Variants in TTC28 observed in about 807,000 individuals in gnomAD.
TTC28 encodes tetratricopeptide repeat domain 28.
A neutral mutation model predicts 198.0 loss-of-function variants in TTC28; 61 were observed. The observed-to-expected ratio is 0.31, with a 90% CI of 0.25 to 0.38. The LOEUF (loss-of-function observed/expected upper bound fraction) is 0.38, where lower values mean the gene tolerates loss of function less well. TTC28 is among the 10% of genes least tolerant of loss of function. The pLI is 1.00. For missense variants in TTC28, 2,678 were observed against 3,164.0 expected (o/e 0.85, Z 3.69); for synonymous variants, 1,171 against 1,297.8 (o/e 0.90, Z 2.10).
chr22:28,399,538 T>A lies in TTC28; in HGVS notation c.382-92895A>T, dbSNP rs189741265. On this transcript the variant is annotated intron_variant, in intron 2 of 22. Transcript: ENST00000397906. ...CTGGGCTGTTCTCAAACTCCTGGGCTCAAGTAGTACTTCACCTTGGCCCCC... is the reference window on the plus strand; with the variant it reads ...CTGGGCTGTTCTCAAACTCCTGGGCACAAGTAGTACTTCACCTTGGCCCCC... 2.0e-4 allele frequency among the ~76,000 whole-genome samples: 30 copies of A among 152,058 alleles called. 1 individual carries two copies. The East Asian group carries it at 5.8e-3, about 30-fold the overall frequency.
intron 5 of TTC28, among the ~76,000 whole-genome samples, chr22:28,197,850 A>G (rs1925530931): frequency 6.6e-6 from 1 of 152,182 alleles, no homozygotes; most frequent in Admixed American, 6.5e-5. Context: ...CCCTGTCTTT[A>G]TTTTTTAAAA....
At chr22:28,133,079 C>T (rs1943097368) in intron 6 of TTC28, among the ~76,000 whole-genome samples, 1 of 152,134 alleles carries the variant, frequency 6.6e-6, no homozygotes, top group African/African-American at 2.4e-5. Context: ...CAAAATTAGC[C>T]AGGTGTGATG....
At chr22:28,097,181 C>G (rs944427083) in intron 10 of TTC28, among the ~76,000 whole-genome samples, 2 of 152,208 alleles carry the variant, frequency 1.3e-5, no homozygotes, top group Non-Finnish European at 2.9e-5. Flanking sequence ...TTTAAGCATG[C>G]CAGTCCCTCT....
chr22:27,983,905 ATT>A lies in TTC28; in HGVS notation c.5816-56_5816-55del. 3 of 1,490,472 alleles carry A rather than the reference ATT, an allele frequency of 2.0e-6. No homozygotes were observed. The South Asian group carries it at 4.1e-5, about 20-fold the overall frequency. The allele number at this position is 1,490,472 out of a possible 1,614,324, so 92.3% of individuals were successfully genotyped here. On this transcript the variant is annotated intron_variant, in intron 22 of 22. Transcript: ENST00000397906. ...ACAGTTAGAATTCTATATGGTTTTG[ATT>A]TTTCTTTCAAAATTTACGACATCTT...
intron 5 of TTC28, among the ~76,000 whole-genome samples, chr22:28,192,522 G>C (rs1246126839): frequency 6.6e-6 from 1 of 151,990 alleles, no homozygotes; most frequent in Non-Finnish European, 1.5e-5. Context: ...GATGTTCGAA[G>C]AAAAGAAGCT....
chr22:28,536,995 G>A (rs2049293646), intron 2 of TTC28, among the ~76,000 whole-genome samples: 1 of 151,544 alleles, frequency 6.6e-6, no homozygotes, highest in Non-Finnish European at 1.5e-5. Context: ...CGGTTATGAT[G>A]TAAGAATAGA....
chr22:28,067,523 C>T (rs1940807411), intron 12 of TTC28, among the ~76,000 whole-genome samples: 2 of 152,082 alleles, frequency 1.3e-5, no homozygotes, highest in Non-Finnish European at 2.9e-5. Context: ...ATAAGACGAA[C>T]ACTAGATGTT....
chr22:28,090,974 C>T (rs903443850), intron 12 of TTC28, among the ~76,000 whole-genome samples: 5 of 152,160 alleles, frequency 3.3e-5, no homozygotes, highest in Non-Finnish European at 7.3e-5. Flanking sequence ...AAGATCTAGG[C>T]TACTGAGGGC....
At chr22:28,089,839 T>A (rs1304864186) in intron 12 of TTC28, among the ~76,000 whole-genome samples, 3 of 151,104 alleles carry the variant, frequency 2.0e-5, no homozygotes, top group East Asian at 3.9e-4. Context: ...CTGGAAACTA[T>A]CATTCTCAGC....
intron 1 of TTC28, among the ~76,000 whole-genome samples, chr22:28,658,972 G>A (rs1368576871): frequency 1.3e-5 from 2 of 152,140 alleles, no homozygotes; most frequent in Admixed American, 6.5e-5. Context: ...ACTCTAGCCT[G>A]GGTGACAGAG....
At chr22:28,546,395 G>A (rs754769292) in intron 2 of TTC28, among the ~76,000 whole-genome samples, 4 of 152,150 alleles carry the variant, frequency 2.6e-5, no homozygotes, top group South Asian at 2.1e-4. Flanking sequence ...GCAGTGAGCC[G>A]AGAGGGCACC....
chr22:28,587,257 G>A (rs2050335280), intron 2 of TTC28, among the ~76,000 whole-genome samples: 1 of 152,178 alleles, frequency 6.6e-6, no homozygotes, highest in Non-Finnish European at 1.5e-5. Context: ...CACTCAGGAG[G>A]CTGAGGCATG....
intron 6 of TTC28, among the ~76,000 whole-genome samples, chr22:28,148,258 G>A (rs1943517714): frequency 6.6e-6 from 1 of 152,120 alleles, no homozygotes; most frequent in South Asian, 2.1e-4. Flanking sequence ...CCTAATCACT[G>A]CCTGCTAGTT....
intron 6 of TTC28, among the ~76,000 whole-genome samples, chr22:28,151,272 C>T (rs1943602563): frequency 6.6e-6 from 1 of 152,222 alleles, no homozygotes; most frequent in Non-Finnish European, 1.5e-5. Flanking sequence ...TTACAATTAG[C>T]ATCTACAAAT....
intron 2 of TTC28, among the ~76,000 whole-genome samples, chr22:28,405,304 T>C (rs895949900): frequency 1.3e-5 from 2 of 152,198 alleles, no homozygotes; most frequent in Admixed American, 1.3e-4. Context: ...TATGGTAAAG[T>C]GTTATTTCTA....
intron 2 of TTC28, among the ~76,000 whole-genome samples, chr22:28,424,288 G>C (rs2047311217): frequency 6.6e-6 from 1 of 152,048 alleles, no homozygotes; most frequent in East Asian, 1.9e-4. Context: ...TCATGCCTTT[G>C]TCTATGGTAA....
chr22:28,574,414 C>T (rs1341778680), intron 2 of TTC28, among the ~76,000 whole-genome samples: 2 of 151,942 alleles, frequency 1.3e-5, no homozygotes, highest in Non-Finnish European at 2.9e-5. Flanking sequence ...TTTTCTTTAT[C>T]CATTCATCTG....
chr22:28,284,345 G>A (rs531630738), intron 5 of TTC28, among the ~76,000 whole-genome samples: 2 of 152,226 alleles, frequency 1.3e-5, no homozygotes, highest in Admixed American at 6.5e-5. Flanking sequence ...AGGGATCACC[G>A]AGGGCCACAG....
At chr22:28,520,654 G>A (rs567070034) in intron 2 of TTC28, among the ~76,000 whole-genome samples, 10 of 151,496 alleles carry the variant, frequency 6.6e-5, no homozygotes, top group African/African-American at 2.2e-4. Context: ...GCTACTCAGG[G>A]GGCTAAAGTG....
Sources: allele counts gnomAD v4.1 joint callset (sites outside exome capture counted in the v4.1 genomes callset), GRCh38; gene constraint gnomAD v4.1.1; transcripts MANE v1.5; gene names NCBI Gene and HGNC (gene_info 2026-07-23, HGNC 2026-07-21).